Variants in CLSTN2 observed in about 807,000 individuals in gnomAD.
CLSTN2 encodes the protein calsyntenin 2.
CLSTN2 carries 48 observed loss-of-function variants against 101.2 expected under a neutral mutation model. That is an observed-to-expected ratio of 0.47 (90% CI 0.38 to 0.60). The LOEUF (loss-of-function observed/expected upper bound fraction) is 0.60, where lower values mean the gene tolerates loss of function less well. CLSTN2 is among the 20% of genes least tolerant of loss of function. The pLI, the probability that CLSTN2 is intolerant of heterozygous loss-of-function variation, is 0.00. For synonymous variants in CLSTN2, 481 were observed against 463.6 expected, an observed-to-expected ratio of 1.04 and a Z score of -0.48; for missense variants, 1,160 against 1,238.2, an observed-to-expected ratio of 0.94 and a Z score of 0.95.
At chr3:140,503,550 G>A (rs1299388255) in intron 8 of CLSTN2, among the ~76,000 whole-genome samples, 1 of 151,780 alleles carries the variant, frequency 6.6e-6, no homozygotes, top group Non-Finnish European at 1.5e-5. Flanking sequence ...ACCGAAGGAC[G>A]CATTTCTTAG....
rs754369642 is a variant in CLSTN2, at chr3:140,568,126, A to T, written c.*1873A>T. 6.6e-6 allele frequency: 1 copy of T among 152,222 alleles called. No individual in the cohort carries two copies. Among genetic ancestry groups the T allele is most frequent in the African/African-American group, 2.4e-5 (1 of 41,450 alleles). 9.4% of individuals were successfully genotyped at this position (152,222 alleles called of 1,614,324 possible). On this transcript the variant is annotated 3_prime_UTR_variant, in exon 17 of 17. Coordinates refer to ENST00000458420, the MANE Select transcript of CLSTN2 (RefSeq NM_022131.3). ...AGTATAGACAAGACCAGTCTCCCCA[A>T]CTTCCACTCCTGGTGCAGGATTCTA...
At chr3:140,449,253 C>G (rs1933179010) in intron 6 of CLSTN2, among the ~76,000 whole-genome samples, 1 of 152,220 alleles carries the variant, frequency 6.6e-6, no homozygotes, top group Non-Finnish European at 1.5e-5. Context: ...GTAAACACAA[C>G]TAAGCCTTGG....
chr3:140,550,593 C>G (rs1393381358), intron 10 of CLSTN2, among the ~76,000 whole-genome samples: 2 of 152,112 alleles, frequency 1.3e-5, no homozygotes, highest in Admixed American at 1.3e-4. Context: ...CTTCTCTGCT[C>G]TGAACTGTTC....
chr3:140,386,076 C>A (rs150816597), intron 2 of CLSTN2, among the ~76,000 whole-genome samples: 5 of 152,172 alleles, frequency 3.3e-5, no homozygotes, highest in African/African-American at 9.7e-5. Flanking sequence ...AATCACCAAC[C>A]TTTACTATGT....
Position 139,941,261 on chromosome 3 carries a change from TGTGTA to T in CLSTN2, c.109+5780_109+5784del, listed in dbSNP as rs1471835386. ...AGCACTGAGCTGAAGATCCTGGCAC[TGTGTA>T]GGACAGAGGATCATGCTCTGAGATT... On this transcript the variant is annotated intron_variant, in intron 1 of 16. Transcript: ENST00000458420. Among the ~76,000 whole-genome samples, 10 of 152,156 alleles carry T rather than the reference TGTGTA, an allele frequency of 6.6e-5. No homozygotes were observed. The East Asian group carries it at 1.8e-3, about 27-fold the overall frequency.
At chr3:140,217,396 A>T (rs1440844937) in intron 2 of CLSTN2, among the ~76,000 whole-genome samples, 1 of 152,328 alleles carries the variant, frequency 6.6e-6, no homozygotes, top group African/African-American at 2.4e-5. Flanking sequence ...CCTGCCCCCA[A>T]GAACTAGCTT....
chr3:140,352,193 A>C (rs190082441), intron 2 of CLSTN2, among the ~76,000 whole-genome samples: 156 of 152,296 alleles, frequency 1.0e-3, no homozygotes, highest in Non-Finnish European at 1.9e-3. Context: ...TCAGTAAGTG[A>C]TATCTCTTAA....
rs773130137 is a variant in CLSTN2, at chr3:140,037,827, G to A, written c.109+102344G>A. Among the ~76,000 whole-genome samples the A allele has an allele frequency of 4.7e-4, 71 of 152,256 alleles. 1 individual carries two copies. Among genetic ancestry groups the A allele is most frequent in the Admixed American group, 2.0e-3 (31 of 15,290 alleles). The stretch of plus-strand genomic sequence containing the variant: ...TTTTTTGTTCATGTGTTAGTTTGCT[G>A]AGGATAGTGGCTTCCAAATCTATCC... On this transcript the variant is annotated intron_variant, in intron 1 of 16. Coordinates refer to ENST00000458420, the MANE Select transcript of CLSTN2 (RefSeq NM_022131.3).
intron 1 of CLSTN2, among the ~76,000 whole-genome samples, chr3:140,108,987 C>T (rs2009108851): frequency 6.6e-6 from 1 of 152,106 alleles, no homozygotes; most frequent in African/African-American, 2.4e-5. Flanking sequence ...GGAAGGTGTG[C>T]CTCAGAAGGG....
intron 1 of CLSTN2, among the ~76,000 whole-genome samples, chr3:140,122,129 C>T (rs911806729): frequency 6.6e-6 from 1 of 152,176 alleles, no homozygotes; most frequent in African/African-American, 2.4e-5. Context: ...TTCTGCAACT[C>T]GACATTTCTC....
At chr3:140,261,453 CTTT>C (rs1364950037) in intron 2 of CLSTN2, among the ~76,000 whole-genome samples, 1 of 152,074 alleles carries the variant, frequency 6.6e-6, no homozygotes, top group Admixed American at 6.6e-5. Context: ...TTGAACACTT[CTTT>C]ATTTTTTGGC....
intron 8 of CLSTN2, among the ~76,000 whole-genome samples, chr3:140,525,604 A>G (rs1031025762): frequency 2.6e-5 from 4 of 152,272 alleles, no homozygotes; most frequent in East Asian, 1.9e-4. Flanking sequence ...TGATACAAAA[A>G]TCTGGCAGAG....
intron 1 of CLSTN2, among the ~76,000 whole-genome samples, chr3:140,154,794 G>A (rs993517440): frequency 5.9e-5 from 9 of 151,766 alleles, no homozygotes; most frequent in African/African-American, 1.9e-4. Context: ...ACAGGCACCC[G>A]CCACCACGCC....
intron 2 of CLSTN2, among the ~76,000 whole-genome samples, chr3:140,265,676 G>T (rs1419315024): frequency 6.6e-6 from 1 of 152,120 alleles, no homozygotes; most frequent in Non-Finnish European, 1.5e-5. Context: ...CTGGAAAAAA[G>T]TAAAACCATC....
intron 8 of CLSTN2, among the ~76,000 whole-genome samples, chr3:140,468,088 T>C (rs1297059527): frequency 6.6e-6 from 1 of 152,222 alleles, no homozygotes; most frequent in Non-Finnish European, 1.5e-5. Flanking sequence ...TCTAAAAATA[T>C]GGCATCTTGA....
chr3:140,192,052 A>G (rs2010572911), intron 2 of CLSTN2, among the ~76,000 whole-genome samples: 1 of 151,938 alleles, frequency 6.6e-6, no homozygotes, highest in South Asian at 2.1e-4. Context: ...TATATGTACT[A>G]GCTTATTTCC....
intron 1 of CLSTN2, among the ~76,000 whole-genome samples, chr3:140,125,239 C>T (rs1283360631): frequency 1.3e-5 from 2 of 151,968 alleles, no homozygotes; most frequent in Non-Finnish European, 2.9e-5. Flanking sequence ...AATTGCTGAA[C>T]AGGGGAGTGA....
intron 2 of CLSTN2, among the ~76,000 whole-genome samples, chr3:140,194,083 T>TCATGG (rs2010610505): frequency 6.6e-6 from 1 of 152,212 alleles, no homozygotes; most frequent in South Asian, 2.1e-4. Flanking sequence ...TGTGTTTTTA[T>TCATGG]CATGGCTACT....
At chr3:140,459,222 G>A (rs186853290) in intron 6 of CLSTN2, among the ~76,000 whole-genome samples, 14 of 152,308 alleles carry the variant, frequency 9.2e-5, no homozygotes, top group Admixed American at 8.5e-4. Flanking sequence ...CTCCCTGCTA[G>A]TAAGAGCCCC....
Sources: allele counts gnomAD v4.1 joint callset (sites outside exome capture counted in the v4.1 genomes callset), GRCh38; gene constraint gnomAD v4.1.1; transcripts MANE v1.5; gene names NCBI Gene and HGNC (gene_info 2026-07-23, HGNC 2026-07-21).